MPND: variants seen among roughly 807,000 people sequenced by gnomAD.
MPND encodes the protein MPN domain containing, also known as MPN domain-containing protein.
MPND carries 56 observed loss-of-function variants against 59.2 expected under a neutral mutation model. The ratio of observed to expected loss-of-function variants is 0.95; its 90% CI spans 0.76 to 1.18. MPND has a LOEUF of 1.18. Among genes scored for constraint, MPND ranks in the 50% most tolerant of loss-of-function variants. The probability of loss-of-function intolerance (pLI) is 0.00; values close to 1 mark genes in which losing one functional copy is unlikely to be tolerated. For synonymous variants in MPND, 323 were observed against 291.9 expected (o/e 1.11, Z -1.09); for missense variants, 671 against 676.0 (o/e 0.99, Z 0.08).
Position 4,345,826 on chromosome 19 carries a change from G to C in MPND, c.376G>C (p.Ala126Pro). 6.2e-7 allele frequency: 1 copy of C among 1,614,012 alleles called. No homozygotes were observed. Among genetic ancestry groups the C allele is most frequent in the Non-Finnish European group, 8.5e-7 (1 of 1,180,024 alleles). The stretch of plus-strand genomic sequence containing the variant: ...CGGGCAGACCTTCAACTCACCCAGC[G>C]CCTGGGCCACCCACTGCAAGAAGCT... ...ETGQTFNSPS[A>P]WATHCKKLVN... The change falls in exon 3 of 13, where the codon GCC becomes CCC. Residue 126 changes from alanine to proline, a missense_variant. Transcript: ENST00000599840.
rs1387203429 is a variant in MPND at position 4,359,204 on chromosome 19, G to A, written c.1368G>A (p.Val456=). The part of the protein sequence containing the change: ...VEFYKGSPDL[V]RLQEPWSQEH... ...TCTACAAGGGTTCCCCTGACCTCGT[G>A]AGGCTCCAGGAACCCTGGAGCCAGG... The change falls in exon 12 of 13, where the codon GTG becomes GTA. Residue 456 remains valine (V), a synonymous_variant. Transcript: ENST00000599840. 2 of 1,613,216 alleles carry A rather than the reference G, an allele frequency of 1.2e-6. No homozygotes were observed. The highest frequency in any genetic ancestry group is 2.2e-5 in the East Asian group (1 of 44,840).
chr19:4,355,850 G>A (rs1013647481), intron 8 of MPND, among the ~76,000 whole-genome samples: 1 of 130,246 alleles, frequency 7.7e-6, no homozygotes, highest in Non-Finnish European at 1.6e-5. Context: ...GAGCCACTGC[G>A]CCCGGCCTTT....
chr19:4,343,783 A>G lies in MPND; in HGVS notation c.83A>G (p.Glu28Gly). 1 of 1,206,484 alleles carries G rather than the reference A, an allele frequency of 8.3e-7. No homozygotes were observed. Among genetic ancestry groups the G allele is most frequent in the Non-Finnish European group, 1.0e-6 (1 of 971,142 alleles). The allele number at this position is 1,206,484 out of a possible 1,614,324, so 74.7% of individuals were successfully genotyped here. Residue 28 changes from glutamate to glycine, a missense_variant, in exon 2 of 13, where the codon GAG becomes GGG. By Grantham distance (98) the Glu-to-Gly change is moderately conservative. Coordinates refer to ENST00000599840, the MANE Select transcript of MPND (RefSeq NM_001300862.2). ...GAGGACGAGGACGAAGCGGAGGCCGAGGACCCTGAGCGGCCGAATGCGGGA... is the reference window on the plus strand; with the variant it reads ...GAGGACGAGGACGAAGCGGAGGCCGGGGACCCTGAGCGGCCGAATGCGGGA... ...PEEDEDEAEA[E>G]DPERPNAGAG...
At position 4,354,158 on chromosome 19, in the gene MPND, C is replaced by T. The variant is rs1352512650; in HGVS notation, c.749+29C>T. On this transcript the variant is annotated intron_variant, in intron 5 of 12. Coordinates refer to ENST00000599840, the MANE Select transcript of MPND (RefSeq NM_001300862.2). The stretch of plus-strand genomic sequence containing the variant: ...AGACTCACCCCAAGTTCTGCCCCTG[C>T]CCCAGCTCACCTGGATCTCTTGCTG... 3 of 1,594,680 alleles carry T rather than the reference C, an allele frequency of 1.9e-6. No homozygotes were observed. The Admixed American group carries it at 5.0e-5, about 27-fold the overall frequency.
Position 4,343,604 on chromosome 19 carries a change from C to T in MPND, c.7+4C>T. On this transcript the variant is annotated splice_donor_region_variant and intron_variant, in intron 1 of 12. Transcript: ENST00000599840. The stretch of plus-strand genomic sequence containing the variant: ...CGGGGAGGCGCGGCCATGGCAGGTA[C>T]GGCGGGCCCAGCGGGGCGGAGGCGC... 8.5e-7 allele frequency: 1 copy of T among 1,174,884 alleles called. No individual in the cohort carries two copies. The allele number at this position is 1,174,884 out of a possible 1,614,324, so 72.8% of individuals were successfully genotyped here. A position where few individuals can be genotyped will look rare whatever the true frequency, so the allele number is the denominator to read the frequency against.
Position 4,353,047 on chromosome 19 carries a change from G to T in MPND, c.664+18G>T. Reference sequence around the variant, plus strand: ...CCACCCGGGTGAGAGGCGTGGGGAGGGGAGGCAGGACAGGGGCGGATACAG... The same window carrying T: ...CCACCCGGGTGAGAGGCGTGGGGAGTGGAGGCAGGACAGGGGCGGATACAG... On this transcript the variant is annotated intron_variant, in intron 4 of 12. Transcript: ENST00000599840. 2 of 1,330,160 alleles carry T rather than the reference G, an allele frequency of 1.5e-6. No individual in the cohort carries two copies. The highest frequency in any genetic ancestry group is 1.9e-6 in the Non-Finnish European group (2 of 1,029,918). The allele number at this position is 1,330,160 out of a possible 1,614,324, so 82.4% of individuals were successfully genotyped here. A position where few individuals can be genotyped will look rare whatever the true frequency, so the allele number is the denominator to read the frequency against.
intron 4 of MPND, chr19:4,353,797 G>C: frequency 2.2e-6 from 1 of 449,774 alleles, no homozygotes; most frequent in Non-Finnish European, 4.0e-6. Context: ...TCCTGGACTT[G>C]AGCAATCCTC....
chr19:4,359,492 G>A (rs1001794186), intron 12 of MPND, among the ~76,000 whole-genome samples: 1 of 152,144 alleles, frequency 6.6e-6, no homozygotes, highest in African/African-American at 2.4e-5. Context: ...CGGGTTTTGG[G>A]AGTGGCTCCC....
intron 11 of MPND, among the ~76,000 whole-genome samples, chr19:4,358,655 C>T (rs1037321506): frequency 1.1e-4 from 16 of 152,138 alleles, no homozygotes; most frequent in Non-Finnish European, 1.8e-4. Flanking sequence ...GGAGTGGTGG[C>T]GGGTGCCTAT....
intron 3 of MPND, among the ~76,000 whole-genome samples, chr19:4,352,244 A>G (rs1375750007): frequency 6.6e-6 from 1 of 152,178 alleles, no homozygotes; most frequent in Non-Finnish European, 1.5e-5. Flanking sequence ...TGAGGTTGCA[A>G]TTCTTTGAAT....
At chr19:4,354,928 T>C in intron 6 of MPND, 21 bp from the exon 7 acceptor site, 2 of 1,569,732 alleles carry the variant, frequency 1.3e-6, no homozygotes, top group Non-Finnish European at 8.7e-7. Flanking sequence ...GCCAGTCTTT[T>C]GCTGTTCCTC....
intron 4 of MPND, among the ~76,000 whole-genome samples, chr19:4,353,596 C>G (rs1305399327): frequency 2.0e-5 from 3 of 152,116 alleles, no homozygotes; most frequent in African/African-American, 7.2e-5. Flanking sequence ...GGGTTTTGCT[C>G]TGTCCCCCAG....
At chr19:4,350,501 T>A (rs887535331) in intron 3 of MPND, among the ~76,000 whole-genome samples, 2 of 152,080 alleles carry the variant, frequency 1.3e-5, no homozygotes, top group Non-Finnish European at 2.9e-5. Flanking sequence ...AGTGAGCTGG[T>A]CCAGGTGAGG....
chr19:4,351,690 A>G (rs544724829), intron 3 of MPND, among the ~76,000 whole-genome samples: 27 of 151,504 alleles, frequency 1.8e-4, no homozygotes, highest in African/African-American at 5.3e-4. Context: ...GTGAAACCCC[A>G]TCTCTACTAA....
chr19:4,354,942 TC>T lies in MPND; in HGVS notation c.847-3del. The T allele has an allele frequency of 9.6e-6, 15 of 1,567,128 alleles. No homozygotes were observed. The highest frequency in any genetic ancestry group is 1.2e-5 in the Non-Finnish European group (14 of 1,154,850). ...AGCCAGTCTTTTGCTGTTCCTCCCT[TC>T]CCCAGGACTTCCACAGTCACCTGAC... On this transcript the variant is annotated splice_region_variant and splice_polypyrimidine_tract_variant and intron_variant, in intron 6 of 12. Coordinates refer to ENST00000599840, the MANE Select transcript of MPND (RefSeq NM_001300862.2).
At chr19:4,355,718 C>T (rs975504094) in intron 8 of MPND, among the ~76,000 whole-genome samples, 2 of 151,808 alleles carry the variant, frequency 1.3e-5, no homozygotes, top group Non-Finnish European at 2.9e-5. Context: ...ATCCGCCCAC[C>T]TCAGCCTCCC....
chr19:4,347,897 G>GTT (rs10668030), intron 3 of MPND: 14,769 of 158,740 alleles, frequency 0.093, 744 homozygotes, highest in South Asian at 0.17. Context: ...GTTTTTTTTT[G>GTT]TTTTTTTTTT....
chr19:4,351,972 A>G (rs796690465), intron 3 of MPND, among the ~76,000 whole-genome samples: 6 of 151,606 alleles, frequency 4.0e-5, no homozygotes, highest in African/African-American at 1.4e-4. Flanking sequence ...CAGGAGTTTG[A>G]GACCAGCCTG....
intron 3 of MPND, among the ~76,000 whole-genome samples, chr19:4,349,603 T>C (rs59677849): frequency 0.51 from 76,967 of 151,784 alleles, 19,789 homozygotes; most frequent in Non-Finnish European, 0.55. Flanking sequence ...CTCCGCCTCT[T>C]GGGTTCAGGC....
Sources: gnomAD v4.1 joint callset for allele counts (sites outside exome capture counted in the v4.1 genomes callset) on GRCh38, gnomAD v4.1.1 for gene constraint, MANE v1.5 for transcripts, NCBI Gene and HGNC (gene_info 2026-07-23, HGNC 2026-07-21) for gene names.